Variants in DRC2 observed in about 807,000 individuals in gnomAD.
DRC2 encodes dynein regulatory complex subunit 2.
the DRC2 span, among the ~76,000 whole-genome samples, chr12:48,912,243 A>G: frequency 6.6e-6 from 1 of 151,792 alleles, no homozygotes; most frequent in South Asian, 2.1e-4. Context: ...CCTGGGCGAC[A>G]GAGTGAGACT....
At chr12:48,916,631 GGGGAGA>G in the DRC2 span, among the ~76,000 whole-genome samples, 562 of 149,012 alleles carry the variant, frequency 3.8e-3, no homozygotes, top group African/African-American at 0.01. Context: ...GGGAGACCAT[GGGGAGA>G]GGGAGAGGGA....
the DRC2 span, among the ~76,000 whole-genome samples, chr12:48,916,128 G>C: frequency 4.7e-5 from 7 of 149,576 alleles, 1 homozygote. Flanking sequence ...GGGCAGCCAG[G>C]CAGAGGGGCT....
chr12:48,904,609 A>T, the DRC2 span: 1 of 1,251,674 alleles, frequency 8.0e-7, no homozygotes, highest in Non-Finnish European at 1.1e-6. Context: ...TTCAGGCAAC[A>T]TTGTTTGGGA....
At chr12:48,906,429 G>C in the DRC2 span, among the ~76,000 whole-genome samples, 1 of 151,892 alleles carries the variant, frequency 6.6e-6, no homozygotes, top group Non-Finnish European at 1.5e-5. Flanking sequence ...GGGATTACAG[G>C]CATGTGCCAC....
the DRC2 span, among the ~76,000 whole-genome samples, chr12:48,920,395 C>T: frequency 1.5e-4 from 19 of 122,916 alleles, no homozygotes; most frequent in African/African-American, 5.0e-4. Context: ...GAGTCGAGAT[C>T]GCGCCACTGC....
At chr12:48,918,077 T>C in the DRC2 span, 2 of 540,580 alleles carry the variant, frequency 3.7e-6, no homozygotes, top group South Asian at 2.5e-5. Flanking sequence ...CAGCATTTCC[T>C]CTCCAGTTCA....
At chr12:48,907,266 T>C in the DRC2 span, among the ~76,000 whole-genome samples, 1 of 152,186 alleles carries the variant, frequency 6.6e-6, no homozygotes, top group Non-Finnish European at 1.5e-5. Context: ...GCAGTGTTCA[T>C]TGCCTAGTGT....
the DRC2 span, among the ~76,000 whole-genome samples, chr12:48,914,807 T>C: frequency 6.6e-6 from 1 of 152,138 alleles, no homozygotes; most frequent in Non-Finnish European, 1.5e-5. Flanking sequence ...CACCACCCAC[T>C]TTCTTCTTTT....
the DRC2 span, among the ~76,000 whole-genome samples, chr12:48,906,634 C>T: frequency 2.1e-4 from 31 of 150,712 alleles, no homozygotes; most frequent in East Asian, 3.9e-4. Context: ...GGCGCGATCT[C>T]GGCTCACTGC....
the DRC2 span, among the ~76,000 whole-genome samples, chr12:48,919,400 T>C: frequency 1.3e-5 from 2 of 151,836 alleles, no homozygotes; most frequent in East Asian, 1.9e-4. Flanking sequence ...GGTTTCGCCA[T>C]GTTGCCCAGG....
the DRC2 span, chr12:48,918,426 G>A: frequency 1.9e-6 from 3 of 1,614,170 alleles, no homozygotes; most frequent in South Asian, 3.3e-5. Context: ...GATGAGAAGA[G>A]CTCCAAAGAG....
chr12:48,910,993 C>G, the DRC2 span, among the ~76,000 whole-genome samples: 1 of 152,194 alleles, frequency 6.6e-6, no homozygotes, highest in South Asian at 2.1e-4. Flanking sequence ...TGCAGTGAGC[C>G]AAGATTGTGC....
At chr12:48,904,427 A>G in the DRC2 span, 1 of 1,613,950 alleles carries the variant, frequency 6.2e-7, no homozygotes, top group Non-Finnish European at 8.5e-7. Context: ...AGAGGAGGAG[A>G]TGGCCAAAAA....
chr12:48,920,355 C>T, the DRC2 span, among the ~76,000 whole-genome samples: 5 of 144,538 alleles, frequency 3.5e-5, no homozygotes, highest in East Asian at 2.1e-4. Context: ...GCAGGAGAAT[C>T]GCTTGAACCC....
the DRC2 span, among the ~76,000 whole-genome samples, chr12:48,906,719 C>T: frequency 2.0e-5 from 3 of 151,878 alleles, no homozygotes; most frequent in Non-Finnish European, 4.4e-5. Context: ...GCGCCCACCA[C>T]CAAGCCCAGG....
chr12:48,904,145 C>T, the DRC2 span: 7 of 662,752 alleles, frequency 1.1e-5, no homozygotes, highest in Middle Eastern at 4.4e-4. Flanking sequence ...ACGCGTCTTA[C>T]AGTGGGAGAG....
At chr12:48,920,976 C>A in the DRC2 span, 1 of 1,613,528 alleles carries the variant, frequency 6.2e-7, no homozygotes, top group South Asian at 1.1e-5. Flanking sequence ...AAATTTGAAA[C>A]CGAAGAAGAA....
At chr12:48,920,464 AAAAG>A in the DRC2 span, among the ~76,000 whole-genome samples, 1 of 146,806 alleles carries the variant, frequency 6.8e-6, no homozygotes, top group Non-Finnish European at 1.5e-5. Flanking sequence ...AAAAAAAAAA[AAAAG>A]AATGAGAGAA....
At chr12:48,913,628 G>A in the DRC2 span, among the ~76,000 whole-genome samples, 1 of 152,074 alleles carries the variant, frequency 6.6e-6, no homozygotes, top group East Asian at 1.9e-4. Flanking sequence ...CAAGTAGCTG[G>A]GATTACAGGC....
Sources: allele counts gnomAD v4.1 joint callset (sites outside exome capture counted in the v4.1 genomes callset), GRCh38; gene constraint gnomAD v4.1.1; transcripts MANE v1.5; gene names NCBI Gene and HGNC (gene_info 2026-07-23, HGNC 2026-07-21).